The following VPS13B variants were observed in gnomAD, a reference collection of about 807,000 sequenced individuals.
VPS13B encodes vacuolar protein sorting 13 homolog B.
In VPS13B, 285 loss-of-function variants were observed where a neutral mutation model predicts 426.4. That is an observed-to-expected ratio of 0.67 (90% CI 0.61 to 0.74). The LOEUF is 0.74. Among genes scored for constraint, VPS13B ranks in the 30% least tolerant of loss-of-function variants. VPS13B has a pLI of 0.00. For synonymous variants in VPS13B, 1,676 were observed against 1,676.4 expected, an observed-to-expected ratio of 1.00 and a Z score of 0.01; for missense variants, 4,537 against 4,782.6, an observed-to-expected ratio of 0.95 and a Z score of 1.51.
At chr8:99,356,319 C>T (rs1812179005) in intron 19 of VPS13B, among the ~76,000 whole-genome samples, 1 of 152,188 alleles carries the variant, frequency 6.6e-6, no homozygotes, top group Non-Finnish European at 1.5e-5. Flanking sequence ...TACATTCTCT[C>T]CTACCACCCT....
chr8:99,835,392 T>C, intron 53 of VPS13B, 68 bp downstream of exon 53: 3 of 1,546,952 alleles, frequency 1.9e-6, no homozygotes, highest in African/African-American at 2.7e-5. Flanking sequence ...TTTGATTTAG[T>C]AGTTACCTGT....
chr8:99,714,608 A>G (rs1402644252), intron 36 of VPS13B, among the ~76,000 whole-genome samples: 1 of 152,246 alleles, frequency 6.6e-6, no homozygotes, highest in Admixed American at 6.5e-5. Context: ...ATATGATCAG[A>G]GTTAATATTG....
At chr8:99,558,564 C>G (rs1303379270) in intron 31 of VPS13B, among the ~76,000 whole-genome samples, 3 of 152,144 alleles carry the variant, frequency 2.0e-5, no homozygotes, top group Admixed American at 2.0e-4. Flanking sequence ...CCCCCCTACC[C>G]CCACCCCACA....
At chr8:99,652,539 C>T (rs1031157408) in intron 34 of VPS13B, among the ~76,000 whole-genome samples, 2 of 151,114 alleles carry the variant, frequency 1.3e-5, no homozygotes, top group African/African-American at 2.4e-5. Flanking sequence ...TTTTCAGTTA[C>T]AGTAATTGAG....
intron 61 of VPS13B, among the ~76,000 whole-genome samples, chr8:99,872,682 T>G (rs1474418294): frequency 6.6e-6 from 1 of 152,202 alleles, no homozygotes; most frequent in East Asian, 1.9e-4. Context: ...AAGATAGTGG[T>G]GGATCAGTGG....
intron 33 of VPS13B, among the ~76,000 whole-genome samples, chr8:99,582,824 T>A (rs1041937335): frequency 6.6e-6 from 1 of 151,938 alleles, no homozygotes; most frequent in African/African-American, 2.4e-5. Flanking sequence ...CCCGGCTAAT[T>A]TTTTGTATTT....
intron 43 of VPS13B, among the ~76,000 whole-genome samples, chr8:99,799,341 C>T (rs1461545191): frequency 6.6e-6 from 1 of 152,144 alleles, no homozygotes; most frequent in Non-Finnish European, 1.5e-5. Flanking sequence ...GGCATTAGTT[C>T]ATGTTTGACT....
At chr8:99,063,393 A>G (rs1844303596) in intron 3 of VPS13B, among the ~76,000 whole-genome samples, 1 of 152,242 alleles carries the variant, frequency 6.6e-6, no homozygotes, top group Non-Finnish European at 1.5e-5. Context: ...CAATAGTCTT[A>G]GCAAACGGCA....
At chr8:99,803,325 A>G (rs1341049994) in intron 43 of VPS13B, among the ~76,000 whole-genome samples, 1 of 152,180 alleles carries the variant, frequency 6.6e-6, no homozygotes, top group Non-Finnish European at 1.5e-5. Context: ...AATTCAGATA[A>G]TCTTGAGAGA....
intron 25 of VPS13B, among the ~76,000 whole-genome samples, chr8:99,489,143 C>T (rs1820459367): frequency 6.6e-6 from 1 of 152,072 alleles, no homozygotes; most frequent in Non-Finnish European, 1.5e-5. Flanking sequence ...AATAGGGAGT[C>T]CTTTCCCTGT....
intron 18 of VPS13B, 55 bp from the exon 19 acceptor site, chr8:99,275,026 T>TCAAATTTAAAATAAATGGG: frequency 1.4e-6 from 2 of 1,441,534 alleles, no homozygotes; most frequent in African/African-American, 2.9e-5. Context: ...AATCAAACAT[T>TCAAATTTAAAATAAATGGG]CTCAAGTGAC....
intron 19 of VPS13B, among the ~76,000 whole-genome samples, chr8:99,357,112 A>G (rs868820756): frequency 4.6e-5 from 7 of 152,146 alleles, no homozygotes; most frequent in African/African-American, 1.7e-4. Flanking sequence ...TAATTGATCA[A>G]CTCCTAAGCA....
intron 19 of VPS13B, among the ~76,000 whole-genome samples, chr8:99,337,482 G>A (rs1810975352): frequency 1.3e-5 from 2 of 151,676 alleles, no homozygotes; most frequent in African/African-American, 4.8e-5. Flanking sequence ...CCTGCACATT[G>A]TGCACATGTA....
At chr8:99,406,213 T>A (rs539831564) in intron 21 of VPS13B, among the ~76,000 whole-genome samples, 1 of 151,806 alleles carries the variant, frequency 6.6e-6, no homozygotes, top group South Asian at 2.1e-4. Context: ...TTATCATGTA[T>A]CCTGTTCTTG....
chr8:99,685,989 T>C (rs752782128), intron 35 of VPS13B, among the ~76,000 whole-genome samples: 5 of 152,154 alleles, frequency 3.3e-5, no homozygotes, highest in Non-Finnish European at 7.3e-5. Flanking sequence ...CCTGTCTTTC[T>C]TAGGAAGGCT....
intron 39 of VPS13B, among the ~76,000 whole-genome samples, chr8:99,740,352 G>A (rs1372986001): frequency 6.6e-6 from 1 of 152,206 alleles, no homozygotes; most frequent in Non-Finnish European, 1.5e-5. Context: ...TCTGACTGGT[G>A]TACCTAAAAG....
chr8:99,279,529 G>A (rs1221395041), intron 19 of VPS13B, among the ~76,000 whole-genome samples: 1 of 150,594 alleles, frequency 6.6e-6, no homozygotes, highest in Non-Finnish European at 1.5e-5. Flanking sequence ...CAAAGTGCTT[G>A]AGATTACAGG....
intron 24 of VPS13B, among the ~76,000 whole-genome samples, chr8:99,478,459 T>G (rs373403556): frequency 0.016 from 1,937 of 123,798 alleles, 22 homozygotes; most frequent in Admixed American, 0.047. Context: ...TTTTTTTTTT[T>G]TTTTTTGTTT....
chr8:99,537,622 G>A (rs145557909), intron 30 of VPS13B, among the ~76,000 whole-genome samples: 280 of 152,262 alleles, frequency 1.8e-3, no homozygotes, highest in Non-Finnish European at 3.3e-3. Flanking sequence ...TGCAGTATCC[G>A]AGAGCTCTTT....
Sources: allele counts gnomAD v4.1 joint callset (sites outside exome capture counted in the v4.1 genomes callset), GRCh38; gene constraint gnomAD v4.1.1; transcripts MANE v1.5; gene names NCBI Gene and HGNC (gene_info 2026-07-23, HGNC 2026-07-21).